GNB1: variants seen among roughly 807,000 people sequenced by gnomAD.
GNB1 encodes guanine nucleotide-binding protein G(I)/G(S)/G(T) subunit beta-1.
Under a neutral mutation model 42.9 loss-of-function variants are expected in GNB1, and 2 were observed. The observed-to-expected ratio is 0.05, with a 90% CI of 0.02 to 0.15. The LOEUF is 0.15. Ranked by LOEUF, GNB1 falls within the 10% of genes least tolerant of loss-of-function variation. GNB1 has a pLI of 1.00. For synonymous variants in GNB1, 183 were observed against 174.7 expected, an observed-to-expected ratio of 1.05 and a Z score of -0.38; for missense variants, 193 against 462.2, an observed-to-expected ratio of 0.42 and a Z score of 5.34.
At chr1:1,820,760 G>T (rs1214633001) in intron 3 of GNB1, among the ~76,000 whole-genome samples, 1 of 152,198 alleles carries the variant, frequency 6.6e-6, no homozygotes, top group Non-Finnish European at 1.5e-5. Context: ...CAGTGTAACA[G>T]ACTGTGGTGA....
chr1:1,877,939 C>A (rs949236535), intron 1 of GNB1, among the ~76,000 whole-genome samples: 20 of 152,172 alleles, frequency 1.3e-4, no homozygotes, highest in African/African-American at 4.8e-4. Context: ...GTTCCTTTTA[C>A]TAACATAGGA....
chr1:1,847,531 T>C (rs371256872), intron 1 of GNB1, among the ~76,000 whole-genome samples: 4 of 152,166 alleles, frequency 2.6e-5, no homozygotes, highest in African/African-American at 9.7e-5. Flanking sequence ...TTAAGGCTCA[T>C]AACACACAGT....
intron 7 of GNB1, among the ~76,000 whole-genome samples, chr1:1,796,009 G>A (rs1570627611): frequency 6.6e-6 from 1 of 152,212 alleles, no homozygotes; most frequent in African/African-American, 2.4e-5. Context: ...GTGACTTTAT[G>A]ATGGTTTGAA....
chr1:1,826,652 C>A (rs1647003556), intron 2 of GNB1, among the ~76,000 whole-genome samples: 1 of 152,166 alleles, frequency 6.6e-6, no homozygotes, highest in South Asian at 2.1e-4. Context: ...CACTCTCCCA[C>A]CCAAGTGAGC....
At chr1:1,853,822 A>G (rs1363523681) in intron 1 of GNB1, among the ~76,000 whole-genome samples, 3 of 152,218 alleles carry the variant, frequency 2.0e-5, no homozygotes, top group Non-Finnish European at 4.4e-5. Context: ...GCCAGGCACC[A>G]GTTTAGGTCA....
chr1:1,888,580 G>C (rs1164169456), intron 1 of GNB1, among the ~76,000 whole-genome samples: 1 of 152,086 alleles, frequency 6.6e-6, no homozygotes, highest in Non-Finnish European at 1.5e-5. Context: ...GCTCACGCTC[G>C]TAATCCCAGC....
At chr1:1,875,060 G>A (rs1056733236) in intron 1 of GNB1, among the ~76,000 whole-genome samples, 3 of 152,152 alleles carry the variant, frequency 2.0e-5, no homozygotes, top group Middle Eastern at 3.2e-3. Flanking sequence ...TAACACTGCC[G>A]CTGATCTGAC....
chr1:1,805,517 A>G (rs550790188), intron 6 of GNB1, among the ~76,000 whole-genome samples: 263 of 152,258 alleles, frequency 1.7e-3, no homozygotes, highest in African/African-American at 6.1e-3. Flanking sequence ...TATCCTGTCA[A>G]ATGGCTATGA....
At position 1,787,314 on chromosome 1, in the gene GNB1, T is replaced by A; in HGVS notation, c.*9+8A>T. 7.0e-7 allele frequency: 1 copy of A among 1,419,982 alleles called. No homozygotes were observed. Among genetic ancestry groups the A allele is most frequent in the Non-Finnish European group, 1.0e-6 (1 of 1,004,148 alleles). The allele number at this position is 1,419,982 out of a possible 1,614,324, so 88.0% of individuals were successfully genotyped here. A position where few individuals can be genotyped will look rare whatever the true frequency, so the allele number is the denominator to read the frequency against. On this transcript the variant is annotated splice_region_variant and intron_variant, in intron 11 of 11. Coordinates refer to ENST00000378609, the MANE Select transcript of GNB1 (RefSeq NM_002074.5). This position sits in a 1 kb window ranked among gnomAD's most constrained non-coding sequence, Gnocchi z 4.4. Reference sequence around the variant, plus strand: ...CCTCAGAGAAGGGCATTTGGGCTGCTGCATTACCTACTGGCGTTAGTTCCA... The same window carrying A: ...CCTCAGAGAAGGGCATTTGGGCTGCAGCATTACCTACTGGCGTTAGTTCCA...
intron 10 of GNB1, 43 bp downstream of exon 10, chr1:1,789,010 C>G (rs199933933): frequency 7.3e-7 from 1 of 1,364,540 alleles, no homozygotes; most frequent in African/African-American, 1.4e-5. Context: ...AAAGATACCA[C>G]GTAAATGTCC....
chr1:1,865,163 G>A (rs1648856086), intron 1 of GNB1, among the ~76,000 whole-genome samples: 2 of 151,368 alleles, frequency 1.3e-5, no homozygotes, highest in African/African-American at 2.4e-5. Flanking sequence ...TCGGGAGGCT[G>A]AGGCAGGAGA....
At chr1:1,890,148 G>C (rs980463196) in intron 1 of GNB1, among the ~76,000 whole-genome samples, 8 of 152,050 alleles carry the variant, frequency 5.3e-5, no homozygotes, top group African/African-American at 1.9e-4. Flanking sequence ...GGACAGACCC[G>C]GGCCTCGGCA....
intron 8 of GNB1, among the ~76,000 whole-genome samples, chr1:1,792,634 G>A (rs1646496153): frequency 6.8e-6 from 1 of 146,520 alleles, no homozygotes; most frequent in Admixed American, 7.0e-5. Flanking sequence ...GGAGGCAGAG[G>A]TTGCAATGAG....
chr1:1,877,723 T>C (rs1649627472), intron 1 of GNB1, among the ~76,000 whole-genome samples: 1 of 151,974 alleles, frequency 6.6e-6, no homozygotes, highest in Non-Finnish European at 1.5e-5. Context: ...AGGAACAAGA[T>C]CTCCAGAGAA....
intron 1 of GNB1, among the ~76,000 whole-genome samples, chr1:1,874,891 C>A (rs893039678): frequency 6.6e-6 from 1 of 152,098 alleles, no homozygotes. Context: ...TGCCAGGGAC[C>A]GGTTTTGTGA....
chr1:1,844,180 G>A (rs1001952071), intron 1 of GNB1, among the ~76,000 whole-genome samples: 2 of 150,888 alleles, frequency 1.3e-5, no homozygotes, highest in African/African-American at 4.9e-5. Context: ...GGGTGACAGA[G>A]CAAGACTCCA....
Position 1,787,325 on chromosome 1 carries a change from C to T in GNB1, c.*6G>A. The T allele has an allele frequency of 6.5e-7, 1 of 1,538,978 alleles. No individual in the cohort carries two copies. Among genetic ancestry groups the T allele is most frequent in the Non-Finnish European group, 9.0e-7 (1 of 1,112,106 alleles). ...GGCATTTGGGCTGCTGCATTACCTACTGGCGTTAGTTCCAGATCTTGAGGA... is the reference window on the plus strand; with the variant it reads ...GGCATTTGGGCTGCTGCATTACCTATTGGCGTTAGTTCCAGATCTTGAGGA... On this transcript the variant is annotated 3_prime_UTR_variant, in exon 11 of 12. Coordinates refer to ENST00000378609, the MANE Select transcript of GNB1 (RefSeq NM_002074.5). The surrounding 1 kb of genome is among the most constrained non-coding windows in gnomAD (Gnocchi z 4.4).
chr1:1,799,244 T>C (rs543777213), intron 7 of GNB1, among the ~76,000 whole-genome samples: 1 of 152,264 alleles, frequency 6.6e-6, no homozygotes, highest in East Asian at 1.9e-4. Flanking sequence ...AGAGGCCAAA[T>C]GTGTGTGTGT....
chr1:1,789,001 A>C lies in GNB1; in HGVS notation c.916+52T>G, dbSNP rs1646444518. 7.7e-6 allele frequency: 10 copies of C among 1,290,994 alleles called. No homozygotes were observed. In the South Asian group the frequency reaches 1.2e-4, roughly 15 times the overall value. 80.0% of individuals were successfully genotyped at this position (1,290,994 alleles called of 1,614,324 possible). On this transcript the variant is annotated intron_variant, in intron 10 of 11. Coordinates refer to ENST00000378609, the MANE Select transcript of GNB1 (RefSeq NM_002074.5). The stretch of plus-strand genomic sequence containing the variant: ...ATGCAACCACTCTGTGTTTGCTCTA[A>C]AGATACCACGTAAATGTCCACAAGA...
Sources: allele counts gnomAD v4.1 joint callset (sites outside exome capture counted in the v4.1 genomes callset), GRCh38; gene constraint gnomAD v4.1.1; non-coding constraint Gnocchi (gnomAD v3.1); transcripts MANE v1.5; gene names NCBI Gene and HGNC (gene_info 2026-07-23, HGNC 2026-07-21).